MMS22L: variants seen among roughly 807,000 people sequenced by gnomAD.
MMS22L encodes protein MMS22-like.
A neutral mutation model predicts 159.1 loss-of-function variants in MMS22L; 74 were observed. That is an observed-to-expected ratio of 0.47 (90% CI 0.39 to 0.56). The LOEUF (loss-of-function observed/expected upper bound fraction) is 0.56, where lower values mean the gene tolerates loss of function less well. Among genes scored for constraint, MMS22L ranks in the 20% least tolerant of loss-of-function variants. The probability of loss-of-function intolerance (pLI) is 0.00; values close to 1 mark genes in which losing one functional copy is unlikely to be tolerated. For synonymous variants in MMS22L, 517 were observed against 506.9 expected (o/e 1.02, Z -0.27); for missense variants, 1,351 against 1,422.1 (o/e 0.95, Z 0.80).
At chr6:97,217,288 C>T (rs924215086) in intron 14 of MMS22L, among the ~76,000 whole-genome samples, 2 of 152,024 alleles carry the variant, frequency 1.3e-5, no homozygotes, top group African/African-American at 4.8e-5. Flanking sequence ...TCTTGTTGCT[C>T]AGGCTGGAGT....
chr6:97,182,041 T>C lies in MMS22L; in HGVS notation c.2247A>G (p.Leu749=), dbSNP rs753458794. Residue 749 remains leucine, a synonymous_variant, in exon 16 of 25, where the codon CTA becomes CTG. Coordinates refer to ENST00000683635, the MANE Select transcript of MMS22L (RefSeq NM_001350599.2). ...LADAAADFTL[L]AMDMPSTAPS... is the part of the protein sequence containing the mutation. ...GAGCTGTGCTTGGCATGTCCATTGC[T>C]AGCAAAGTAAAGTCTAGATTCAAAA... The C allele has an allele frequency of 2.5e-6, 4 of 1,609,914 alleles. No individual in the cohort carries two copies. The African/African-American group carries it at 4.0e-5, about 16-fold the overall frequency.
intron 14 of MMS22L, among the ~76,000 whole-genome samples, chr6:97,201,996 A>AT (rs1001947024): frequency 3.9e-5 from 6 of 152,190 alleles, no homozygotes; most frequent in African/African-American, 1.2e-4. Flanking sequence ...CCACAGTAAC[A>AT]TTTTTGTGCT....
chr6:97,177,587 G>A (rs1396550132), intron 18 of MMS22L, among the ~76,000 whole-genome samples: 1 of 152,142 alleles, frequency 6.6e-6, no homozygotes, highest in East Asian at 1.9e-4. Flanking sequence ...CACACCACAG[G>A]CATTTAATTG....
At chr6:97,274,074 C>CGG (rs1263672217) in intron 4 of MMS22L, among the ~76,000 whole-genome samples, 4 of 152,110 alleles carry the variant, frequency 2.6e-5, no homozygotes, top group African/African-American at 4.8e-5. Context: ...TTTATATCAG[C>CGG]AATAATTATC....
intron 12 of MMS22L, 90 bp from the exon 13 acceptor site, chr6:97,231,742 CA>C: frequency 1.1e-6 from 1 of 883,318 alleles, no homozygotes; most frequent in Non-Finnish European, 1.7e-6. Context: ...GTTGGTTCAT[CA>C]AAAGTCTGAC....
chr6:97,252,244 T>C (rs1813317369), intron 10 of MMS22L, among the ~76,000 whole-genome samples: 1 of 152,120 alleles, frequency 6.6e-6, no homozygotes, highest in Non-Finnish European at 1.5e-5. Context: ...TATCAACTAA[T>C]ATTAAAATAT....
chr6:97,257,055 T>A (rs1813893811), intron 9 of MMS22L, among the ~76,000 whole-genome samples: 1 of 152,200 alleles, frequency 6.6e-6, no homozygotes, highest in African/African-American at 2.4e-5. Context: ...TCTGGGTGTG[T>A]TTTTTCTTTT....
upstream of MMS22L, chr6:97,283,432 C>T (rs1816952927): frequency 6.6e-6 from 1 of 151,442 alleles, no homozygotes; most frequent in South Asian, 2.1e-4. Flanking sequence ...GAGGAGAGGA[C>T]TTAAGGACTA....
intron 14 of MMS22L, among the ~76,000 whole-genome samples, chr6:97,212,863 A>G (rs952429369): frequency 4.6e-5 from 7 of 152,238 alleles, no homozygotes; most frequent in African/African-American, 1.7e-4. Flanking sequence ...AATACAGTGA[A>G]TATCCCAGTT....
upstream of MMS22L, among the ~76,000 whole-genome samples, chr6:97,283,776 A>G (rs939701701): frequency 5.9e-5 from 9 of 152,246 alleles, no homozygotes; most frequent in African/African-American, 2.2e-4. Flanking sequence ...TGAAACATTC[A>G]CTAAGCGATA....
At chr6:97,150,486 A>C (rs1321223852) in intron 23 of MMS22L, among the ~76,000 whole-genome samples, 1 of 152,174 alleles carries the variant, frequency 6.6e-6, no homozygotes. Context: ...TAACTGAATA[A>C]AAGACTTTAG....
intron 6 of MMS22L, chr6:97,270,822 A>T (rs1250315466): frequency 2.0e-5 from 3 of 152,198 alleles, no homozygotes; most frequent in Non-Finnish European, 2.9e-5. Context: ...AATAAAAAAT[A>T]AGATTTTTAA....
chr6:97,236,683 G>A (rs1020617396), intron 11 of MMS22L, among the ~76,000 whole-genome samples: 7 of 152,076 alleles, frequency 4.6e-5, no homozygotes, highest in African/African-American at 1.7e-4. Flanking sequence ...CGGGCACGGT[G>A]GCTCACACCT....
At chr6:97,232,108 A>T (rs910327395) in intron 12 of MMS22L, among the ~76,000 whole-genome samples, 3 of 152,066 alleles carry the variant, frequency 2.0e-5, no homozygotes, top group Non-Finnish European at 4.4e-5. Flanking sequence ...GGCTATATCT[A>T]GAGGTTTCAT....
At chr6:97,241,437 T>C (rs1398269711) in intron 11 of MMS22L, among the ~76,000 whole-genome samples, 1 of 152,218 alleles carries the variant, frequency 6.6e-6, no homozygotes, top group Non-Finnish European at 1.5e-5. Context: ...AGTGTTTCCT[T>C]TTCACCAAAT....
At chr6:97,160,162 A>G (rs1802293208) in intron 22 of MMS22L, among the ~76,000 whole-genome samples, 1 of 151,906 alleles carries the variant, frequency 6.6e-6, no homozygotes. Context: ...ATGTGAATTT[A>G]TACTGTCTTA....
chr6:97,185,324 TA>T (rs1466377991), intron 15 of MMS22L, among the ~76,000 whole-genome samples: 1 of 152,154 alleles, frequency 6.6e-6, no homozygotes. Flanking sequence ...AGGTATTCAG[TA>T]ACTTTTTTTA....
intron 11 of MMS22L, among the ~76,000 whole-genome samples, chr6:97,240,790 C>G (rs1335368363): frequency 6.6e-6 from 1 of 152,176 alleles, no homozygotes; most frequent in Non-Finnish European, 1.5e-5. Context: ...CCACACCCGG[C>G]TAACTTTTGT....
intron 14 of MMS22L, among the ~76,000 whole-genome samples, chr6:97,213,866 C>T (rs896799897): frequency 1.3e-5 from 2 of 152,014 alleles, no homozygotes; most frequent in South Asian, 2.1e-4. Flanking sequence ...ATCCTTTTAC[C>T]TATCATTTCA....
Sources: gnomAD v4.1 joint callset for allele counts (sites outside exome capture counted in the v4.1 genomes callset) on GRCh38, gnomAD v4.1.1 for gene constraint, MANE v1.5 for transcripts, NCBI Gene and HGNC (gene_info 2026-07-23, HGNC 2026-07-21) for gene names.